UBTD2: variants seen among roughly 807,000 people sequenced by gnomAD.
The protein encoded by UBTD2 is ubiquitin domain-containing protein 2.
UBTD2 carries 9 observed loss-of-function variants against 19.8 expected under a neutral mutation model. The ratio of observed to expected loss-of-function variants is 0.46; its 90% CI spans 0.27 to 0.79. UBTD2 has a LOEUF of 0.79. Among genes scored for constraint, UBTD2 ranks in the 30% least tolerant of loss-of-function variants. The pLI, the probability that UBTD2 is intolerant of heterozygous loss-of-function variation, is 0.14. For missense variants in UBTD2, 250 were observed against 300.4 expected (o/e 0.83, Z 1.24); for synonymous variants, 98 against 103.9 (o/e 0.94, Z 0.35).
intron 1 of UBTD2, among the ~76,000 whole-genome samples, chr5:172,240,993 T>C (rs1772115606): frequency 6.6e-6 from 1 of 151,916 alleles, no homozygotes; most frequent in Non-Finnish European, 1.5e-5. Flanking sequence ...TTAAGTAGTA[T>C]ATAAACTCTA....
intron 1 of UBTD2, among the ~76,000 whole-genome samples, chr5:172,281,719 G>T (rs1755720051): frequency 6.6e-6 from 1 of 151,994 alleles, no homozygotes; most frequent in Admixed American, 6.6e-5. Flanking sequence ...CAATAATGGA[G>T]AATAAAAGCG....
At chr5:172,263,506 G>C (rs533199787) in intron 1 of UBTD2, among the ~76,000 whole-genome samples, 39 of 152,234 alleles carry the variant, frequency 2.6e-4, no homozygotes, top group Non-Finnish European at 4.9e-4. Flanking sequence ...TTAAAAACTT[G>C]AGTAGGGGCC....
chr5:172,234,594 C>A (rs1446023808), intron 1 of UBTD2, among the ~76,000 whole-genome samples: 4 of 152,142 alleles, frequency 2.6e-5, no homozygotes, highest in African/African-American at 4.8e-5. Context: ...ACTCAGTACA[C>A]CCTCCACAGG....
intron 1 of UBTD2, chr5:172,242,294 C>T (rs936738635): frequency 2.8e-6 from 2 of 712,788 alleles, no homozygotes; most frequent in East Asian, 1.3e-4. Context: ...ACTATAATAT[C>T]GTTGTCATAC....
At chr5:172,259,271 T>G (rs1755219917) in intron 1 of UBTD2, among the ~76,000 whole-genome samples, 1 of 152,082 alleles carries the variant, frequency 6.6e-6, no homozygotes, top group South Asian at 2.1e-4. Context: ...GCCTCCCCAG[T>G]AGCTGGGACT....
At chr5:172,229,129 A>G in intron 2 of UBTD2, among the ~76,000 whole-genome samples, 1 of 152,132 alleles carries the variant, frequency 6.6e-6, no homozygotes, top group Non-Finnish European at 1.5e-5. Context: ...ATCGGGGTTA[A>G]ATTTCTGTTT....
intron 1 of UBTD2, among the ~76,000 whole-genome samples, chr5:172,246,441 C>CTTTTTTT (rs36037402): frequency 3.5e-5 from 3 of 85,092 alleles, no homozygotes; most frequent in East Asian, 4.0e-4. Context: ...ATTGAGATTG[C>CTTTTTTT]TTTTTTTTTT....
At chr5:172,247,670 A>G (rs1445301858) in intron 1 of UBTD2, among the ~76,000 whole-genome samples, 1 of 152,242 alleles carries the variant, frequency 6.6e-6, no homozygotes, top group Non-Finnish European at 1.5e-5. Context: ...AGTATATACA[A>G]CAGAACCCCA....
At chr5:172,259,779 C>G (rs572205660) in intron 1 of UBTD2, among the ~76,000 whole-genome samples, 1 of 152,172 alleles carries the variant, frequency 6.6e-6, no homozygotes, top group Admixed American at 6.5e-5. Context: ...ATGGGCCAGG[C>G]AGGATGGCTC....
At chr5:172,255,536 G>GC (rs746024837) in intron 1 of UBTD2, 13 of 294,450 alleles carry the variant, frequency 4.4e-5, no homozygotes, top group Non-Finnish European at 7.7e-5. Context: ...CTGCCTGGAG[G>GC]CCCCCAAGCG....
chr5:172,217,290 G>A (rs535501983), intron 2 of UBTD2, among the ~76,000 whole-genome samples: 1 of 151,794 alleles, frequency 6.6e-6, no homozygotes, highest in South Asian at 2.1e-4. Context: ...ATGGTGGTGG[G>A]TGCTTATAAT....
intron 2 of UBTD2, among the ~76,000 whole-genome samples, chr5:172,231,831 C>T (rs981370665): frequency 5.9e-5 from 9 of 151,982 alleles, no homozygotes; most frequent in African/African-American, 1.9e-4. Flanking sequence ...GACTCCTTCC[C>T]GTTATATTAT....
At chr5:172,218,801 A>T (rs1479206677) in intron 2 of UBTD2, among the ~76,000 whole-genome samples, 1 of 70,466 alleles carries the variant, frequency 1.4e-5, no homozygotes, top group African/African-American at 5.1e-5. Flanking sequence ...AAAAAAATAA[A>T]AAAAAAAATA....
In UBTD2 at chr5:172,281,634, A is replaced by ATTT. The variant is rs147387390; in HGVS notation, c.70+1959_70+1961dup. On this transcript the variant is annotated intron_variant, in intron 1 of 2. Coordinates refer to ENST00000393792, the MANE Select transcript of UBTD2 (RefSeq NM_152277.3). ...CCAACAATCTACTTATTAAGCAATA[A>ATTT]TTTTTTTTATATGTTAACCTGCAAC... Among the ~76,000 whole-genome samples, 323 of 151,898 alleles carry ATTT rather than the reference A, an allele frequency of 2.1e-3. 1 individual carries two copies. The highest frequency in any genetic ancestry group is 7.0e-3 in the African/African-American group (288 of 41,428).
chr5:172,273,590 C>CA (rs35687001), intron 1 of UBTD2, among the ~76,000 whole-genome samples: 3,451 of 36,140 alleles, frequency 0.095, 618 homozygotes, highest in African/African-American at 0.27. Context: ...GACTCCGTCT[C>CA]AAAAAAAAAA....
chr5:172,233,938 C>G (rs993128209), intron 2 of UBTD2, among the ~76,000 whole-genome samples, 184 bp downstream of exon 2: 2 of 151,526 alleles, frequency 1.3e-5, no homozygotes, highest in Non-Finnish European at 2.9e-5. Context: ...CACAAACACA[C>G]AAAGTAAAAC....
Position 172,212,097 on chromosome 5 carries a change from G to A in UBTD2, c.438C>T (p.Pro146=). ...GAAGCTGACATTCATATCCAGAATTGGGTGGTGGCTCAGGAATATCCAGAG... is the reference window on the plus strand; with the variant it reads ...GAAGCTGACATTCATATCCAGAATTAGGTGGTGGCTCAGGAATATCCAGAG... The part of the protein sequence containing the change: ...IETLDIPEPP[P]NSGYECQLRL... Residue 146 remains proline, a synonymous_variant, in exon 3 of 3, where the codon CCC becomes CCT. Transcript: ENST00000393792. 6.2e-7 allele frequency: 1 copy of A among 1,614,180 alleles called. No individual in the cohort carries two copies. Among genetic ancestry groups the A allele is most frequent in the Non-Finnish European group, 8.5e-7 (1 of 1,180,042 alleles).
In UBTD2 at chr5:172,210,587, A is replaced by G. The variant is rs1257840096; in HGVS notation, c.*1243T>C. 3.3e-5 allele frequency: 5 copies of G among 152,134 alleles called. No homozygotes were observed. Among genetic ancestry groups the G allele is most frequent in the Admixed American group, 3.3e-4 (5 of 15,270 alleles). The allele number at this position is 152,134 out of a possible 1,614,324, so 9.4% of individuals were successfully genotyped here. On this transcript the variant is annotated 3_prime_UTR_variant, in exon 3 of 3. Coordinates refer to ENST00000393792, the MANE Select transcript of UBTD2 (RefSeq NM_152277.3). Reference sequence around the variant, plus strand: ...TAATCTAACTTGCAAAAGGCTCTTAATTTGCTTCTTTGCTACAAAAGATGA... The same window carrying G: ...TAATCTAACTTGCAAAAGGCTCTTAGTTTGCTTCTTTGCTACAAAAGATGA...
intron 2 of UBTD2, among the ~76,000 whole-genome samples, chr5:172,229,545 GA>G (rs1192579211): frequency 2.1e-5 from 3 of 142,862 alleles, no homozygotes; most frequent in African/African-American, 7.7e-5. Flanking sequence ...TTTTACATTT[GA>G]ATTGCTGGGA....
Sources: allele counts gnomAD v4.1 joint callset (sites outside exome capture counted in the v4.1 genomes callset), GRCh38; gene constraint gnomAD v4.1.1; transcripts MANE v1.5; gene names NCBI Gene and HGNC (gene_info 2026-07-23, HGNC 2026-07-21).